Variants in VTI1A observed in about 807,000 individuals in gnomAD.
VTI1A encodes the protein vesicle transport through interaction with t-SNAREs 1A.
Under a neutral mutation model 34.9 loss-of-function variants are expected in VTI1A, and 22 were observed. The ratio of observed to expected loss-of-function variants is 0.63; its 90% CI spans 0.45 to 0.90. VTI1A has a LOEUF of 0.90. Among genes scored for constraint, VTI1A ranks in the 40% least tolerant of loss-of-function variants. VTI1A has a pLI of 0.00. For missense variants in VTI1A, 268 were observed against 275.6 expected, an observed-to-expected ratio of 0.97 and a Z score of 0.20; for synonymous variants, 87 against 97.3, an observed-to-expected ratio of 0.89 and a Z score of 0.62.
the VTI1A span, among the ~76,000 whole-genome samples, chr10:112,844,704 T>A: frequency 1.3e-5 from 2 of 152,130 alleles, no homozygotes; most frequent in African/African-American, 4.8e-5. Context: ...TGGCGTGTAA[T>A]CCTTTTTTAT....
rs539076116 is a variant in VTI1A at position 112,610,718 on chromosome 10, C to G, written c.428-57500C>G. Among the ~76,000 whole-genome samples, 988 of 152,182 alleles carry G rather than the reference C, an allele frequency of 6.5e-3. 13 individuals carry two copies. Among genetic ancestry groups the G allele is most frequent in the African/African-American group, 0.023 (944 of 41,516 alleles). On this transcript the variant is annotated intron_variant, in intron 5 of 7. Coordinates refer to ENST00000393077, the MANE Select transcript of VTI1A (RefSeq NM_145206.4). The stretch of plus-strand genomic sequence containing the variant: ...GATCACGAGGTCAGGAGATTGAGAC[C>G]ATCCTGGCTAACATGGTGAAACCCC...
intron 3 of VTI1A, among the ~76,000 whole-genome samples, chr10:112,484,770 A>G (rs189986898): frequency 1.1e-4 from 17 of 151,870 alleles, no homozygotes; most frequent in Non-Finnish European, 2.2e-4. Context: ...TATGATTTTA[A>G]AGCAAACTTT....
At chr10:112,618,366 C>G (rs1024049329) in intron 5 of VTI1A, among the ~76,000 whole-genome samples, 3 of 150,744 alleles carry the variant, frequency 2.0e-5, no homozygotes, top group Non-Finnish European at 4.4e-5. Context: ...CCTACCTCAT[C>G]AACATCATCA....
At chr10:112,591,178 A>C (rs964161514) in intron 5 of VTI1A, among the ~76,000 whole-genome samples, 6 of 152,180 alleles carry the variant, frequency 3.9e-5, no homozygotes, top group Admixed American at 1.3e-4. Flanking sequence ...CTGAGCAAGC[A>C]AAGCTCAGGA....
At chr10:112,784,715 C>T (rs1418813315) in intron 7 of VTI1A, among the ~76,000 whole-genome samples, 1 of 152,174 alleles carries the variant, frequency 6.6e-6, no homozygotes, top group East Asian at 1.9e-4. Flanking sequence ...TCCCCTTCAT[C>T]CCAGAGTGCC....
At chr10:112,448,922 A>C (rs1452212799) in intron 1 of VTI1A, 1 of 152,068 alleles carries the variant, frequency 6.6e-6, no homozygotes, top group Non-Finnish European at 1.5e-5. Flanking sequence ...CTTATACCCC[A>C]CTCATCTCCT....
chr10:112,729,757 G>A (rs1429373132), intron 7 of VTI1A, among the ~76,000 whole-genome samples: 1 of 152,182 alleles, frequency 6.6e-6, no homozygotes, highest in East Asian at 1.9e-4. Context: ...CAGTCAGGTG[G>A]GCACTCCATT....
chr10:112,760,933 T>C (rs1317085598), intron 7 of VTI1A, among the ~76,000 whole-genome samples: 1 of 150,828 alleles, frequency 6.6e-6, no homozygotes, highest in African/African-American at 2.4e-5. Flanking sequence ...ACAATACAGA[T>C]GTTCATTGAT....
intron 7 of VTI1A, among the ~76,000 whole-genome samples, chr10:112,742,840 A>G (rs896697754): frequency 1.3e-5 from 2 of 152,242 alleles, no homozygotes; most frequent in Non-Finnish European, 2.9e-5. Context: ...ACAAAAAGCT[A>G]TGATAAATGA....
chr10:112,772,353 T>C (rs747400735), intron 7 of VTI1A, among the ~76,000 whole-genome samples: 3 of 152,366 alleles, frequency 2.0e-5, no homozygotes, highest in Admixed American at 6.5e-5. Flanking sequence ...ATATCTTCTT[T>C]GGAGATGTCT....
At chr10:112,661,957 A>G (rs1041526836) in intron 5 of VTI1A, among the ~76,000 whole-genome samples, 3 of 151,828 alleles carry the variant, frequency 2.0e-5, no homozygotes, top group African/African-American at 7.3e-5. Flanking sequence ...TTTTTAGTAG[A>G]TACAGTGTTT....
intron 5 of VTI1A, among the ~76,000 whole-genome samples, chr10:112,611,736 A>ACTTTTTTTTTTTTTTTTTTT (rs1845316131): frequency 9.5e-6 from 1 of 104,804 alleles, no homozygotes; most frequent in Non-Finnish European, 1.8e-5. Flanking sequence ...TGAGAAAGGT[A>ACTTTTTTTTTTTTTTTTTTT]ATTTTTTTTT....
intron 5 of VTI1A, among the ~76,000 whole-genome samples, chr10:112,628,268 G>T (rs1195688982): frequency 6.6e-6 from 1 of 152,008 alleles, no homozygotes; most frequent in Non-Finnish European, 1.5e-5. Context: ...AAACAATGCT[G>T]CAATGAAATC....
At chr10:112,503,648 A>G (rs955351118) in intron 3 of VTI1A, among the ~76,000 whole-genome samples, 2 of 152,196 alleles carry the variant, frequency 1.3e-5, no homozygotes, top group Admixed American at 6.5e-5. Context: ...TTTTAAGAGG[A>G]CAACCATTAT....
chr10:112,502,687 G>A (rs1310354247), intron 3 of VTI1A, among the ~76,000 whole-genome samples: 1 of 152,170 alleles, frequency 6.6e-6, no homozygotes, highest in East Asian at 1.9e-4. Context: ...CCAGAAGCAT[G>A]AGCATATCTT....
At chr10:112,452,215 G>C (rs536132655) in intron 1 of VTI1A, among the ~76,000 whole-genome samples, 2 of 152,062 alleles carry the variant, frequency 1.3e-5, no homozygotes, top group African/African-American at 2.4e-5. Flanking sequence ...TTTTTCAATT[G>C]AGCATACAGG....
the VTI1A span, among the ~76,000 whole-genome samples, chr10:112,833,132 C>T: frequency 6.6e-6 from 1 of 152,094 alleles, no homozygotes; most frequent in East Asian, 1.9e-4. Context: ...GAGGTCCTCT[C>T]CTTCCCCTCC....
At chr10:112,517,340 A>G (rs1682951323) in intron 3 of VTI1A, among the ~76,000 whole-genome samples, 1 of 152,092 alleles carries the variant, frequency 6.6e-6, no homozygotes, top group Admixed American at 6.6e-5. Context: ...ATGAAGTAGT[A>G]TTGGACGATA....
intron 7 of VTI1A, among the ~76,000 whole-genome samples, chr10:112,788,236 A>G (rs1424470350): frequency 6.6e-6 from 1 of 151,922 alleles, no homozygotes; most frequent in Non-Finnish European, 1.5e-5. Context: ...AGTTATTGAG[A>G]ATAGGGTGGT....
Sources: allele counts gnomAD v4.1 joint callset (sites outside exome capture counted in the v4.1 genomes callset), GRCh38; gene constraint gnomAD v4.1.1; transcripts MANE v1.5; gene names NCBI Gene and HGNC (gene_info 2026-07-23, HGNC 2026-07-21).